The following SCARA5 variants were observed in gnomAD, a reference collection of about 807,000 sequenced individuals.
SCARA5 encodes the protein scavenger receptor class A member 5, also known as scavenger receptor class A, member 5 (putative).
In SCARA5, 45 loss-of-function variants were observed where a neutral mutation model predicts 46.3. That is an observed-to-expected ratio of 0.97 (90% CI 0.76 to 1.24). The LOEUF (loss-of-function observed/expected upper bound fraction) is 1.24. Ranked by LOEUF, SCARA5 falls within the 50% of genes most tolerant of loss-of-function variation. The pLI is 0.00. For synonymous variants in SCARA5, 333 were observed against 306.5 expected (o/e 1.09, Z -0.90); for missense variants, 680 against 689.0 (o/e 0.99, Z 0.15).
At chr8:27,969,520 G>A (rs537254945) in intron 2 of SCARA5, among the ~76,000 whole-genome samples, 4 of 152,276 alleles carry the variant, frequency 2.6e-5, no homozygotes, top group South Asian at 2.1e-4. Flanking sequence ...ATGAACAGGC[G>A]GAGCACGGGG....
chr8:27,898,584 A>G (rs1000793617), intron 7 of SCARA5, among the ~76,000 whole-genome samples: 4 of 152,374 alleles, frequency 2.6e-5, no homozygotes, highest in African/African-American at 9.6e-5. Flanking sequence ...TAAGAGTGAC[A>G]GGAGCATCTC....
intron 4 of SCARA5, among the ~76,000 whole-genome samples, chr8:27,912,560 C>G (rs13253529): frequency 0.21 from 31,831 of 152,222 alleles, 3,779 homozygotes; most frequent in Middle Eastern, 0.29. Context: ...TCCACTACCC[C>G]TTCCCAGCGA....
At chr8:27,985,436 C>T in intron 2 of SCARA5, among the ~76,000 whole-genome samples, 1 of 152,200 alleles carries the variant, frequency 6.6e-6, no homozygotes, top group East Asian at 1.9e-4. Context: ...ACATTGTCAG[C>T]ACCCGAGTTT....
At chr8:27,874,310 T>C (rs1194956515) in intron 8 of SCARA5, among the ~76,000 whole-genome samples, 2 of 152,208 alleles carry the variant, frequency 1.3e-5, no homozygotes, top group Admixed American at 1.3e-4. Flanking sequence ...CCCAGAAAGA[T>C]TGAGTGACAT....
At chr8:27,952,086 G>C (rs1186669678) in intron 3 of SCARA5, among the ~76,000 whole-genome samples, 2 of 150,508 alleles carry the variant, frequency 1.3e-5, no homozygotes, top group Non-Finnish European at 3.0e-5. Flanking sequence ...TAGAAGAAGA[G>C]GGAGATCTGG....
chr8:27,956,792 G>C lies in SCARA5; in HGVS notation c.241+9622C>G, dbSNP rs185510832. On this transcript the variant is annotated intron_variant, in intron 3 of 8. Coordinates refer to ENST00000354914, the MANE Select transcript of SCARA5 (RefSeq NM_173833.6). Reference sequence around the variant, plus strand: ...CTGTGTCTCATTCGGTGCTAGGCTCGTTGTTGGCACCTGGTAAGTGTTTGT... The same window carrying C: ...CTGTGTCTCATTCGGTGCTAGGCTCCTTGTTGGCACCTGGTAAGTGTTTGT... 5.6e-4 allele frequency among the ~76,000 whole-genome samples: 86 copies of C among 152,288 alleles called. 1 individual carries two copies. In the East Asian group the frequency reaches 0.011, roughly 19 times the overall value.
chr8:27,981,226 C>T (rs1323998845), intron 2 of SCARA5, among the ~76,000 whole-genome samples: 1 of 152,174 alleles, frequency 6.6e-6, no homozygotes, highest in Non-Finnish European at 1.5e-5. Context: ...CAGAAGGCTC[C>T]CTCAGATTAG....
chr8:27,892,125 G>C (rs1371636652), intron 7 of SCARA5, among the ~76,000 whole-genome samples: 1 of 152,248 alleles, frequency 6.6e-6, no homozygotes, highest in Admixed American at 6.5e-5. Flanking sequence ...GGAATACGGA[G>C]AGAGCTGAGC....
chr8:27,989,409 T>A (rs757460911), intron 1 of SCARA5, among the ~76,000 whole-genome samples: 2 of 152,144 alleles, frequency 1.3e-5, no homozygotes, highest in Non-Finnish European at 2.9e-5. Context: ...ATTACAGGTG[T>A]GAGCCACTGC....
chr8:27,886,828 C>T (rs1806903723), intron 7 of SCARA5, among the ~76,000 whole-genome samples: 1 of 152,214 alleles, frequency 6.6e-6, no homozygotes, highest in African/African-American at 2.4e-5. Context: ...CACAATGTGT[C>T]AGCCCCGACT....
intron 7 of SCARA5, among the ~76,000 whole-genome samples, chr8:27,888,784 C>T (rs1025043947): frequency 3.3e-5 from 5 of 152,222 alleles, no homozygotes; most frequent in African/African-American, 1.2e-4. Context: ...GAGAAAAGTG[C>T]TGTCACCTCA....
At chr8:27,979,049 A>G (rs1329846153) in intron 2 of SCARA5, among the ~76,000 whole-genome samples, 1 of 152,042 alleles carries the variant, frequency 6.6e-6, no homozygotes, top group African/African-American at 2.4e-5. Flanking sequence ...TTCCACCCAC[A>G]CAGTCGAGCA....
chr8:27,941,034 T>C (rs1409144665), intron 3 of SCARA5, among the ~76,000 whole-genome samples: 3 of 152,250 alleles, frequency 2.0e-5, no homozygotes, highest in Non-Finnish European at 4.4e-5. Context: ...TATGATTTTA[T>C]GGGGATTCAG....
intron 3 of SCARA5, among the ~76,000 whole-genome samples, chr8:27,961,464 G>C (rs916993259): frequency 1.3e-5 from 2 of 152,172 alleles, no homozygotes; most frequent in African/African-American, 4.8e-5. Flanking sequence ...TACAGCCTAC[G>C]AAACCATGAG....
chr8:27,983,613 C>A (rs1475825439), intron 2 of SCARA5, among the ~76,000 whole-genome samples: 1 of 152,184 alleles, frequency 6.6e-6, no homozygotes, highest in Non-Finnish European at 1.5e-5. Flanking sequence ...ACAAAGACTT[C>A]TGGGACATCT....
rs751646915 is a variant in SCARA5, at chr8:27,879,575, C to G, written c.1345G>C (p.Gly449Arg). 1 of 1,606,744 alleles carries G rather than the reference C, an allele frequency of 6.2e-7. No individual in the cohort carries two copies. Among genetic ancestry groups the G allele is most frequent in the East Asian group, 2.2e-5 (1 of 44,886 alleles). ...TGCCCTCAGAGCGCCTTACCTTGCC[C>G]GAATCGAGCTGTGCGGTACACCTCC... ...VEEVYRTARF[G>R]QGTGRIWMDD... The change falls in exon 8 of 9, where the codon GGG becomes CGG. Residue 449 changes from glycine to arginine, a missense_variant. Gly to Arg is a moderately radical substitution (Grantham distance 125). Coordinates refer to ENST00000354914, the MANE Select transcript of SCARA5 (RefSeq NM_173833.6).
intron 7 of SCARA5, 42 bp downstream of exon 7, chr8:27,904,736 G>C (rs1232953444): frequency 6.4e-7 from 1 of 1,562,090 alleles, no homozygotes; most frequent in Admixed American, 1.7e-5. Context: ...AGCTAGCCCT[G>C]TGCCAACACC....
intron 3 of SCARA5, among the ~76,000 whole-genome samples, chr8:27,953,815 G>A (rs1398396325): frequency 6.6e-6 from 1 of 152,212 alleles, no homozygotes; most frequent in Non-Finnish European, 1.5e-5. Flanking sequence ...TGGAGCATCT[G>A]AATAGTGAGT....
At chr8:27,927,753 TTA>T (rs771472872) in intron 3 of SCARA5, among the ~76,000 whole-genome samples, 2 of 152,200 alleles carry the variant, frequency 1.3e-5, no homozygotes, top group South Asian at 2.1e-4. Context: ...ATGGACATTT[TTA>T]TGACTCTTAA....
Sources: allele counts gnomAD v4.1 joint callset (sites outside exome capture counted in the v4.1 genomes callset), GRCh38; gene constraint gnomAD v4.1.1; transcripts MANE v1.5; gene names NCBI Gene and HGNC (gene_info 2026-07-23, HGNC 2026-07-21).